Variants in CREBZF observed in about 807,000 individuals in gnomAD.
The protein encoded by CREBZF is CREB/ATF bZIP transcription factor.
Under a neutral mutation model 21.1 loss-of-function variants are expected in CREBZF, and 8 were observed. That is an observed-to-expected ratio of 0.38 (90% CI 0.22 to 0.68). The LOEUF (loss-of-function observed/expected upper bound fraction) is 0.68, where lower values mean the gene tolerates loss of function less well. Among genes scored for constraint, CREBZF ranks in the 30% least tolerant of loss-of-function variants. CREBZF has a pLI of 0.51. For missense variants in CREBZF, 518 were observed against 484.3 expected (o/e 1.07, Z -0.65); for synonymous variants, 270 against 223.3 (o/e 1.21, Z -1.86).
chr11:85,661,193 G>T lies in CREBZF; in HGVS notation c.*2618C>A, dbSNP rs2082666700. 1 of 152,406 alleles carries T rather than the reference G, an allele frequency of 6.6e-6. No individual in the cohort carries two copies. The highest frequency in any genetic ancestry group is 2.4e-5 in the African/African-American group (1 of 41,392). The allele number at this position is 152,406 out of a possible 1,614,324, so 9.4% of individuals were successfully genotyped here. ...AACCCAAACATTTACAGTAAAATGT[G>T]CTTACACATAAATATGACCAAATTT... On this transcript the variant is annotated 3_prime_UTR_variant, in exon 1 of 1. Coordinates refer to ENST00000527447, the MANE Select transcript of CREBZF (RefSeq NM_001039618.4).
chr11:85,664,261 C>T lies in CREBZF; in HGVS notation c.615G>A (p.Ala205=). ...CCGCCTTCCGGGGACTCTTTGTCGC[C>T]GCCTGGTTGTTGTCGTTACCGCTGC... is the stretch of plus-strand genomic sequence containing the variant. ...GGGSGNDNNQ[A]ATKSPRKAAA... Residue 205 remains alanine, a synonymous_variant, in exon 1 of 1, where the codon GCG becomes GCA. Coordinates refer to ENST00000527447, the MANE Select transcript of CREBZF (RefSeq NM_001039618.4). This position sits in a 1 kb window ranked among gnomAD's most constrained non-coding sequence, Gnocchi z 5.5. The T allele has an allele frequency of 6.2e-7, 1 of 1,612,794 alleles. No individual in the cohort carries two copies. Among genetic ancestry groups the T allele is most frequent in the Non-Finnish European group, 8.5e-7 (1 of 1,179,808 alleles).
chr11:85,659,705 G>C lies in CREBZF; in HGVS notation c.*4106C>G, dbSNP rs1465098837. 6.6e-6 allele frequency: 1 copy of C among 151,818 alleles called. No homozygotes were observed. The highest frequency in any genetic ancestry group is 1.5e-5 in the Non-Finnish European group (1 of 67,880). The allele number at this position is 151,818 out of a possible 1,614,324, so 9.4% of individuals were successfully genotyped here. Reference sequence around the variant, plus strand: ...AACAAAAATGAAATAAAACAATCCAGAGTTTTGAGTGTTTTTTCACACTTG... The same window carrying C: ...AACAAAAATGAAATAAAACAATCCACAGTTTTGAGTGTTTTTTCACACTTG... On this transcript the variant is annotated 3_prime_UTR_variant, in exon 1 of 1. Coordinates refer to ENST00000527447, the MANE Select transcript of CREBZF (RefSeq NM_001039618.4).
intron 1 of CREBZF, among the ~76,000 whole-genome samples, chr11:85,672,432 A>G (rs1249791038): frequency 1.3e-5 from 2 of 152,220 alleles, no homozygotes; most frequent in African/African-American, 4.8e-5. Context: ...AATTTCTCCC[A>G]AGAAAATGGG....
chr11:85,677,479 T>G (rs2082950023), intron 1 of CREBZF, among the ~76,000 whole-genome samples: 1 of 152,178 alleles, frequency 6.6e-6, no homozygotes, highest in Admixed American at 6.5e-5. Context: ...CCCACCCCCT[T>G]TCCCAAATGC....
In CREBZF at chr11:85,663,831, A is replaced by C; in HGVS notation, c.1045T>G (p.Ser349Ala). ...TGACCCTACATTTTAAGAGAAGACG[A>C]CGCCTTCCGGGCGCACGCCGAGCAG... ...EFCSACARKA[S>A]SSLKM Residue 349 changes from serine to alanine, a missense_variant, in exon 1 of 1, where the codon TCG becomes GCG. Around this residue, in one of 3 missense-constraint regions of CREBZF, gnomAD observed 114 missense variants for 134.1 expected, o/e 0.85. Coordinates refer to ENST00000527447, the MANE Select transcript of CREBZF (RefSeq NM_001039618.4). 6.2e-7 allele frequency: 1 copy of C among 1,602,304 alleles called. No homozygotes were observed. Among genetic ancestry groups the C allele is most frequent in the Non-Finnish European group, 8.5e-7 (1 of 1,176,644 alleles).
chr11:85,658,122 G>GA lies in CREBZF; in HGVS notation c.*5688dup, dbSNP rs1348984947. Among the ~76,000 whole-genome samples, 2 of 151,784 alleles carry GA rather than the reference G, an allele frequency of 1.3e-5. No individual in the cohort carries two copies. The highest frequency in any genetic ancestry group is 6.6e-5 in the Admixed American group (1 of 15,234). Reference sequence around the variant, plus strand: ...AAAGCAGAGTTCTACTCATCCCAGTGAAAAAAACAATGAATTAAAAGTAAT... The same window carrying GA: ...AAAGCAGAGTTCTACTCATCCCAGTGAAAAAAAACAATGAATTAAAAGTAAT... On this transcript the variant is annotated 3_prime_UTR_variant, in exon 1 of 1. Transcript: ENST00000527447.
intron 1 of CREBZF, chr11:85,682,604 A>ACCCCC: frequency 5.3e-6 from 1 of 189,626 alleles, no homozygotes; most frequent in Non-Finnish European, 9.1e-6. Context: ...CCCCTGCCCT[A>ACCCCC]CTCCCCCCAA....
rs2082752460 is a variant in CREBZF, at chr11:85,663,607, A to G, written c.*204T>C. On this transcript the variant is annotated 3_prime_UTR_variant, in exon 1 of 1. Coordinates refer to ENST00000527447, the MANE Select transcript of CREBZF (RefSeq NM_001039618.4). ...GAAATCACCTAAAAAAGAAACTGTC[A>G]GAGAGATTTAATAGTCACATGTTAT... 6.4e-7 allele frequency: 1 copy of G among 1,557,228 alleles called. No homozygotes were observed. The highest frequency in any genetic ancestry group is 8.7e-7 in the Non-Finnish European group (1 of 1,150,056).
intron 1 of CREBZF, among the ~76,000 whole-genome samples, chr11:85,670,287 A>G (rs2082903406): frequency 1.1e-5 from 1 of 89,888 alleles, no homozygotes; most frequent in Non-Finnish European, 2.0e-5. Flanking sequence ...CCCCCACAAT[A>G]AGATCTCAAG....
intron 1 of CREBZF, among the ~76,000 whole-genome samples, chr11:85,673,243 T>C (rs1285692555): frequency 1.3e-5 from 2 of 152,158 alleles, no homozygotes; most frequent in Non-Finnish European, 2.9e-5. Context: ...AGCAGAGAAT[T>C]GGAGCAGTGA....
rs537045811 is a variant in CREBZF, at chr11:85,660,003, A to G, written c.*3808T>C. ...CTACCCACACATTTAATCATAATCA[A>G]CTTTTTCAAAGATATACAAATCAAT... On this transcript the variant is annotated 3_prime_UTR_variant, in exon 1 of 1. Transcript: ENST00000527447. 1 of 152,164 alleles carries G rather than the reference A, an allele frequency of 6.6e-6. No individual in the cohort carries two copies. The highest frequency in any genetic ancestry group is 1.5e-5 in the Non-Finnish European group (1 of 67,918). The allele number at this position is 152,164 out of a possible 1,614,324, so 9.4% of individuals were successfully genotyped here. A position where few individuals can be genotyped will look rare whatever the true frequency, so the allele number is the denominator to read the frequency against.
intron 1 of CREBZF, among the ~76,000 whole-genome samples, chr11:85,679,745 G>A (rs1460665809): frequency 1.3e-5 from 2 of 152,214 alleles, no homozygotes; most frequent in Non-Finnish European, 2.9e-5. Flanking sequence ...TTGAACATTT[G>A]TGGAAGCAGC....
upstream of CREBZF, among the ~76,000 whole-genome samples, chr11:85,666,480 A>G (rs1467706864): frequency 6.6e-6 from 1 of 152,250 alleles, no homozygotes; most frequent in Non-Finnish European, 1.5e-5. Flanking sequence ...CCAAACAAAA[A>G]AAGAGAAATG....
At chr11:85,665,157 C>T (rs1214175236), upstream of CREBZF, 3 of 389,696 alleles carry the variant, frequency 7.7e-6, no homozygotes, top group African/African-American at 6.2e-5. Context: ...TCCCGCCCAC[C>T]GCGTTTCGCG....
At chr11:85,669,911 G>A (rs542732514), upstream of CREBZF, among the ~76,000 whole-genome samples, 12 of 151,788 alleles carry the variant, frequency 7.9e-5, no homozygotes, top group East Asian at 1.9e-4. Flanking sequence ...GGGTTCAAGC[G>A]ATTCTCCTGC....
intron 1 of CREBZF, among the ~76,000 whole-genome samples, chr11:85,671,978 C>T (rs187877264): frequency 6.6e-6 from 1 of 152,384 alleles, no homozygotes; most frequent in African/African-American, 2.4e-5. Context: ...TCCACACTGC[C>T]CTAGCAGAGG....
chr11:85,665,220 A>T, upstream of CREBZF: 1 of 295,926 alleles, frequency 3.4e-6, no homozygotes, highest in East Asian at 5.9e-5. Flanking sequence ...AGTGGGAATA[A>T]TTCCAGCTTT....
At chr11:85,679,811 A>G (rs913534785) in intron 1 of CREBZF, among the ~76,000 whole-genome samples, 14 of 152,252 alleles carry the variant, frequency 9.2e-5, no homozygotes, top group Non-Finnish European at 1.8e-4. Context: ...GGCTTTATCT[A>G]AAATATGCCG....
chr11:85,660,194 A>G lies in CREBZF; in HGVS notation c.*3617T>C, dbSNP rs1315082819. 6.2e-6 allele frequency: 1 copy of G among 162,514 alleles called. No individual in the cohort carries two copies. The highest frequency in any genetic ancestry group is 1.3e-5 in the Non-Finnish European group (1 of 74,582). 10.1% of individuals were successfully genotyped at this position (162,514 alleles called of 1,614,324 possible). A position where few individuals can be genotyped will look rare whatever the true frequency, so the allele number is the denominator to read the frequency against. On this transcript the variant is annotated 3_prime_UTR_variant, in exon 1 of 1. Transcript: ENST00000527447. ...ACTGATGGCCTGCTTATGTAATTCT[A>G]GTCCACTAAATGTTAATTCCATAGA...
Sources: gnomAD v4.1 joint callset for allele counts (sites outside exome capture counted in the v4.1 genomes callset) on GRCh38, gnomAD v4.1.1 for gene constraint, gnomAD v4.1.1 regional missense constraint, Gnocchi (gnomAD v3.1) non-coding constraint, MANE v1.5 for transcripts, NCBI Gene and HGNC (gene_info 2026-07-23, HGNC 2026-07-21) for gene names.